ADGRB3: variants seen among roughly 807,000 people sequenced by gnomAD.
The protein encoded by ADGRB3 is brain-specific angiogenesis inhibitor 3.
In ADGRB3, 37 loss-of-function variants were observed where a neutral mutation model predicts 193.4. The ratio of observed to expected loss-of-function variants is 0.19; its 90% CI spans 0.15 to 0.25. The LOEUF (loss-of-function observed/expected upper bound fraction) is 0.25, where lower values mean the gene tolerates loss of function less well. Ranked by LOEUF, ADGRB3 falls within the 10% of genes least tolerant of loss-of-function variation. The pLI, the probability that ADGRB3 is intolerant of heterozygous loss-of-function variation, is 1.00. For missense variants in ADGRB3, 1,637 were observed against 1,852.9 expected (o/e 0.88, Z 2.14); for synonymous variants, 690 against 644.2 (o/e 1.07, Z -1.08).
At chr6:69,134,163 T>C (rs1774087570) in intron 17 of ADGRB3, among the ~76,000 whole-genome samples, 1 of 152,098 alleles carries the variant, frequency 6.6e-6, no homozygotes, top group African/African-American at 2.4e-5. Context: ...ACTCTGAGAA[T>C]TGGTCCTCTT....
chr6:69,044,155 A>T (rs958239753), intron 13 of ADGRB3, among the ~76,000 whole-genome samples: 13 of 152,226 alleles, frequency 8.5e-5, no homozygotes, highest in Non-Finnish European at 1.5e-4. Flanking sequence ...TTGGATCCAG[A>T]TCATAAGTCT....
intron 31 of ADGRB3, among the ~76,000 whole-genome samples, chr6:69,387,048 G>A (rs1202665489): frequency 4.6e-5 from 7 of 151,990 alleles, no homozygotes; most frequent in Non-Finnish European, 7.4e-5. Context: ...TGATCCACAC[G>A]TTCTGCCAAC....
intron 17 of ADGRB3, among the ~76,000 whole-genome samples, chr6:69,193,664 T>C (rs1765243271): frequency 6.6e-6 from 1 of 152,124 alleles, no homozygotes; most frequent in Non-Finnish European, 1.5e-5. Context: ...ACCTGGGTTC[T>C]ATCACTAGCT....
intron 17 of ADGRB3, among the ~76,000 whole-genome samples, chr6:69,150,690 G>C (rs984145652): frequency 6.6e-6 from 1 of 152,108 alleles, no homozygotes; most frequent in Non-Finnish European, 1.5e-5. Context: ...GGCTTTCCTT[G>C]TACCCACTAT....
intron 3 of ADGRB3, among the ~76,000 whole-genome samples, chr6:68,748,700 G>A (rs1229035864): frequency 6.6e-6 from 1 of 152,140 alleles, no homozygotes; most frequent in Admixed American, 6.5e-5. Flanking sequence ...GAGGATGGTG[G>A]CCCTCTTCTC....
chr6:68,693,755 C>T (rs571293774), intron 3 of ADGRB3, among the ~76,000 whole-genome samples: 22 of 152,026 alleles, frequency 1.4e-4, no homozygotes, highest in African/African-American at 4.1e-4. Context: ...TATCTATTGA[C>T]GCATACCGCA....
At chr6:69,250,073 G>A (rs569493102) in intron 20 of ADGRB3, among the ~76,000 whole-genome samples, 26 of 152,284 alleles carry the variant, frequency 1.7e-4, no homozygotes, top group African/African-American at 5.8e-4. Context: ...ATAAGGGCCT[G>A]TGTAAGTGTT....
chr6:69,213,284 A>G (rs1373376678), intron 17 of ADGRB3, among the ~76,000 whole-genome samples: 1 of 152,208 alleles, frequency 6.6e-6, no homozygotes, highest in Non-Finnish European at 1.5e-5. Context: ...CTCTCACATT[A>G]TATTTACCTT....
intron 20 of ADGRB3, among the ~76,000 whole-genome samples, chr6:69,322,852 A>G (rs1768490573): frequency 6.6e-6 from 1 of 151,952 alleles, no homozygotes; most frequent in South Asian, 2.1e-4. Context: ...TTATCCAGCT[A>G]TTGTAGAATA....
intron 20 of ADGRB3, among the ~76,000 whole-genome samples, chr6:69,283,782 T>C (rs1767489970): frequency 6.6e-6 from 1 of 152,172 alleles, no homozygotes; most frequent in Admixed American, 6.5e-5. Context: ...GATTTGCAGA[T>C]AATCTAAGAA....
At chr6:69,134,881 A>G (rs1395714606) in intron 17 of ADGRB3, among the ~76,000 whole-genome samples, 1 of 152,072 alleles carries the variant, frequency 6.6e-6, no homozygotes, top group Non-Finnish European at 1.5e-5. Flanking sequence ...GAAGAGCAAC[A>G]TCTCCATAGA....
At chr6:68,900,361 A>G (rs898198690) in intron 3 of ADGRB3, among the ~76,000 whole-genome samples, 1 of 152,156 alleles carries the variant, frequency 6.6e-6, no homozygotes, top group Non-Finnish European at 1.5e-5. Context: ...CAAAGGCTAT[A>G]AGTAAATAGT....
chr6:68,990,756 C>T (rs183685090), intron 10 of ADGRB3, among the ~76,000 whole-genome samples: 89 of 152,262 alleles, frequency 5.8e-4, no homozygotes, highest in African/African-American at 1.9e-3. Context: ...CTCACAGGCA[C>T]AGGTATGGGT....
At chr6:69,182,928 A>C (rs1388032499) in intron 17 of ADGRB3, among the ~76,000 whole-genome samples, 1 of 152,114 alleles carries the variant, frequency 6.6e-6, no homozygotes, top group Non-Finnish European at 1.5e-5. Context: ...ACTGGATGAA[A>C]TATTAAAACC....
At chr6:69,027,139 A>C (rs1002901450) in intron 13 of ADGRB3, among the ~76,000 whole-genome samples, 2 of 152,116 alleles carry the variant, frequency 1.3e-5, no homozygotes, top group Non-Finnish European at 2.9e-5. Context: ...CATATTGTAC[A>C]GCTGTAAAAA....
intron 3 of ADGRB3, among the ~76,000 whole-genome samples, chr6:68,820,085 C>A (rs1263595306): frequency 1.3e-5 from 2 of 151,936 alleles, no homozygotes; most frequent in Admixed American, 6.6e-5. Flanking sequence ...GACCTGGTAC[C>A]CAAGGCCCTC....
At chr6:69,206,045 G>GTTTATATATA in intron 17 of ADGRB3, among the ~76,000 whole-genome samples, 1 of 99,930 alleles carries the variant, frequency 1.0e-5, no homozygotes, top group African/African-American at 3.8e-5. Context: ...TATAATAATG[G>GTTTATATATA]TATATATATA....
chr6:69,233,159 A>G, intron 17 of ADGRB3, 131 bp from the exon 18 acceptor site: 5 of 1,280,838 alleles, frequency 3.9e-6, no homozygotes, highest in Non-Finnish European at 5.4e-6. Context: ...GTTCAACAAC[A>G]AGTAGATTTT....
intron 11 of ADGRB3, among the ~76,000 whole-genome samples, chr6:69,002,591 A>G (rs1390147222): frequency 6.6e-6 from 1 of 152,188 alleles, no homozygotes; most frequent in Non-Finnish European, 1.5e-5. Context: ...CTGATTATCA[A>G]TAGATTAAGT....
Sources: gnomAD v4.1 joint callset for allele counts (sites outside exome capture counted in the v4.1 genomes callset) on GRCh38, gnomAD v4.1.1 for gene constraint, MANE v1.5 for transcripts, NCBI Gene and HGNC (gene_info 2026-07-23, HGNC 2026-07-21) for gene names.